EEA1: variants seen among roughly 807,000 people sequenced by gnomAD.
EEA1 encodes the protein early endosome antigen 1, 162kD.
In EEA1, 111 loss-of-function variants were observed where a neutral mutation model predicts 209.2. The ratio of observed to expected loss-of-function variants is 0.53; its 90% confidence interval spans 0.45 to 0.62. The LOEUF (loss-of-function observed/expected upper bound fraction) is 0.62, where lower values mean the gene tolerates loss of function less well. Among genes scored for constraint, EEA1 ranks in the 20% least tolerant of loss-of-function variants. EEA1 has a pLI of 0.00. For missense variants in EEA1, 1,343 were observed against 1,530.8 expected (o/e 0.88, Z 2.05); for synonymous variants, 536 against 540.6 (o/e 0.99, Z 0.12).
Position 92,851,204 on chromosome 12 carries a change from T to G in EEA1, c.705A>C (p.Thr235=). 1 of 1,613,986 alleles carries G rather than the reference T, an allele frequency of 6.2e-7. No individual in the cohort carries two copies. The highest frequency in any genetic ancestry group is 8.5e-7 in the Non-Finnish European group (1 of 1,179,902). The part of the protein sequence containing the change: ...VLKKELVQVQ[T]LMDNMTLERE... ...GTTCCAAGGTCATGTTATCCATTAGTGTTTGAACTTGGACCAGTTCTTTCT... is the reference window on the plus strand; with the variant it reads ...GTTCCAAGGTCATGTTATCCATTAGGGTTTGAACTTGGACCAGTTCTTTCT... Residue 235 remains threonine, a synonymous_variant, in exon 9 of 29, where the codon ACA becomes ACC. Coordinates refer to ENST00000322349, the MANE Select transcript of EEA1 (RefSeq NM_003566.4).
intron 9 of EEA1, among the ~76,000 whole-genome samples, chr12:92,843,350 G>T (rs1482392410): frequency 6.6e-6 from 1 of 151,872 alleles, no homozygotes; most frequent in Non-Finnish European, 1.5e-5. Context: ...GTTGAGACAG[G>T]GTCTTACTAT....
intron 9 of EEA1, among the ~76,000 whole-genome samples, chr12:92,845,724 T>C (rs1480666246): frequency 6.6e-6 from 1 of 152,302 alleles, no homozygotes; most frequent in South Asian, 2.1e-4. Flanking sequence ...TCTATCATGA[T>C]TCAGTGTACT....
chr12:92,884,161 T>C (rs1046941969), intron 2 of EEA1: 89 of 1,290,228 alleles, frequency 6.9e-5, no homozygotes, highest in Non-Finnish European at 9.8e-5. Flanking sequence ...ATGGAAAAAT[T>C]GAAGTGACTC....
intron 18 of EEA1, among the ~76,000 whole-genome samples, chr12:92,804,445 A>T (rs989765667): frequency 8.6e-5 from 13 of 151,942 alleles, no homozygotes; most frequent in African/African-American, 3.1e-4. Context: ...GATGGCAGGC[A>T]CCTGTAATCC....
chr12:92,816,268 T>C lies in EEA1; in HGVS notation c.1861A>G (p.Thr621Ala). The C allele has an allele frequency of 6.2e-7, 1 of 1,614,008 alleles. No individual in the cohort carries two copies. Among genetic ancestry groups the C allele is most frequent in the Non-Finnish European group, 8.5e-7 (1 of 1,179,894 alleles). The change falls in exon 15 of 29, where the codon ACT becomes GCT. Residue 621 changes from threonine to alanine, a missense_variant. Coordinates refer to ENST00000322349, the MANE Select transcript of EEA1 (RefSeq NM_003566.4). ...AAQDRVLSLE[T>A]SVNELNSQLN... The stretch of plus-strand genomic sequence containing the variant: ...TGACTATTTAATTCATTGACACTAG[T>C]TTCTAGGGAAAGGACACGGTCTTGT...
chr12:92,896,813 C>T (rs1379798188), intron 1 of EEA1, among the ~76,000 whole-genome samples: 1 of 151,964 alleles, frequency 6.6e-6, no homozygotes, highest in Non-Finnish European at 1.5e-5. Context: ...GCTATCCCAA[C>T]CTTCAGAAAC....
In EEA1 at chr12:92,787,933, G is replaced by C. The variant is rs749519545; in HGVS notation, c.3084C>G (p.Phe1028Leu). 6.2e-7 allele frequency: 1 copy of C among 1,613,074 alleles called. No individual in the cohort carries two copies. The highest frequency in any genetic ancestry group is 8.5e-7 in the Non-Finnish European group (1 of 1,179,562). ...QNNYEKSQET[F>L]KQLQSDFYGR... ...CATAGAAATCAGATTGAAGCTGTTTGAAAGTTTCCTGACTTTTTTCATAGT... is the reference window on the plus strand; with the variant it reads ...CATAGAAATCAGATTGAAGCTGTTTCAAAGTTTCCTGACTTTTTTCATAGT... The change falls in exon 22 of 29, where the codon TTC (phenylalanine) becomes TTG (leucine). Residue 1028 changes from phenylalanine (F) to leucine (L), a missense_variant. Physicochemically the swap from Phe to Leu is conservative, Grantham distance 22 (BLOSUM62 0). This residue lies in a region of EEA1 where 1,307 missense variants were observed against 1,465.5 expected (regional missense o/e 0.89). Transcript: ENST00000322349.
intron 2 of EEA1, chr12:92,884,762 G>A (rs1879309052): frequency 1.7e-6 from 2 of 1,149,822 alleles, no homozygotes; most frequent in Non-Finnish European, 2.5e-6. Context: ...GAAGCTACAG[G>A]TTACAACAGA....
At chr12:92,863,039 G>A (rs1878220207) in intron 3 of EEA1, among the ~76,000 whole-genome samples, 1 of 152,230 alleles carries the variant, frequency 6.6e-6, no homozygotes, top group Admixed American at 6.5e-5. Context: ...TTAGGAGGAA[G>A]TTATGGATGT....
At chr12:92,878,934 T>C (rs534172131) in intron 2 of EEA1, among the ~76,000 whole-genome samples, 1 of 152,122 alleles carries the variant, frequency 6.6e-6, no homozygotes, top group African/African-American at 2.4e-5. Context: ...TAATAATCAA[T>C]ACACTTCCCA....
chr12:92,902,010 G>A (rs993495455), intron 1 of EEA1, among the ~76,000 whole-genome samples: 1 of 152,032 alleles, frequency 6.6e-6, no homozygotes, highest in African/African-American at 2.4e-5. Context: ...AAAAAGAATG[G>A]GATTGGAATG....
chr12:92,803,022 C>A (rs1875003916), intron 18 of EEA1, among the ~76,000 whole-genome samples: 1 of 151,878 alleles, frequency 6.6e-6, no homozygotes, highest in South Asian at 2.1e-4. Flanking sequence ...ACAACTAATC[C>A]CGAGGAAAAA....
chr12:92,784,731 C>G (rs1398221025), intron 22 of EEA1, among the ~76,000 whole-genome samples: 1 of 152,148 alleles, frequency 6.6e-6, no homozygotes, highest in Non-Finnish European at 1.5e-5. Context: ...TACTGCCATG[C>G]ATTTTAAATG....
intron 1 of EEA1, chr12:92,905,695 G>T (rs189649332): frequency 6.6e-6 from 1 of 151,870 alleles, no homozygotes. Context: ...GTATAAAACC[G>T]CATTAATCTC....
chr12:92,916,803 G>A (rs542423745), intron 1 of EEA1, among the ~76,000 whole-genome samples: 42 of 116,284 alleles, frequency 3.6e-4, no homozygotes, highest in South Asian at 2.6e-3. Context: ...TCTGAGCTAC[G>A]GGAGGACATT....
intron 1 of EEA1, among the ~76,000 whole-genome samples, chr12:92,913,334 G>T (rs1880646885): frequency 1.3e-5 from 2 of 152,110 alleles, no homozygotes; most frequent in African/African-American, 4.8e-5. Flanking sequence ...TTGGTCACTT[G>T]TATGTCCTCT....
At chr12:92,879,353 G>A in intron 2 of EEA1, 1 of 451,232 alleles carries the variant, frequency 2.2e-6, no homozygotes, top group Non-Finnish European at 4.4e-6. Flanking sequence ...TTCAGATTAG[G>A]GATGCTCCAC....
At chr12:92,841,970 A>G (rs1362445553) in intron 10 of EEA1, among the ~76,000 whole-genome samples, 1 of 152,232 alleles carries the variant, frequency 6.6e-6, no homozygotes, top group African/African-American at 2.4e-5. Flanking sequence ...CCAAGTGTCT[A>G]TCAGCAGATG....
At position 92,775,954 on chromosome 12, in the gene EEA1, T is replaced by C; in HGVS notation, c.*57A>G. On this transcript the variant is annotated 3_prime_UTR_variant, in exon 29 of 29. Coordinates refer to ENST00000322349, the MANE Select transcript of EEA1 (RefSeq NM_003566.4). ...ATAGTAGTCCAAGACCTCTATTAAG[T>C]ACATTTATTAAAAATCTAATGTTAG... is the stretch of plus-strand genomic sequence containing the variant. 1 of 1,577,876 alleles carries C rather than the reference T, an allele frequency of 6.3e-7. No homozygotes were observed. Among genetic ancestry groups the C allele is most frequent in the Non-Finnish European group, 8.6e-7 (1 of 1,158,928 alleles).
Sources: allele counts gnomAD v4.1 joint callset (sites outside exome capture counted in the v4.1 genomes callset), GRCh38; gene constraint gnomAD v4.1.1; regional missense constraint gnomAD v4.1.1; transcripts MANE v1.5; gene names NCBI Gene and HGNC (gene_info 2026-07-23, HGNC 2026-07-21).